Variants in AP2A2 observed in about 807,000 individuals in gnomAD.
AP2A2 encodes the protein adaptor related protein complex 2 subunit alpha 2.
Under a neutral mutation model 104.2 loss-of-function variants are expected in AP2A2, and 32 were observed. That is an observed-to-expected ratio of 0.31 (90% CI 0.23 to 0.41). The LOEUF is 0.41. Ranked by LOEUF, AP2A2 falls within the 10% of genes least tolerant of loss-of-function variation. The pLI, the probability that AP2A2 is intolerant of heterozygous loss-of-function variation, is 1.00. For synonymous variants in AP2A2, 539 were observed against 533.3 expected (o/e 1.01, Z -0.15); for missense variants, 912 against 1,261.0 (o/e 0.72, Z 4.19).
At position 992,375 on chromosome 11, in the gene AP2A2, C is replaced by T. The variant is rs994984361; in HGVS notation, c.1270-128C>T. 1.2e-5 allele frequency: 11 copies of T among 944,626 alleles called. No individual in the cohort carries two copies. Among genetic ancestry groups the T allele is most frequent in the Admixed American group, 1.0e-4 (5 of 48,222 alleles). The allele number at this position is 944,626 out of a possible 1,614,324, so 58.5% of individuals were successfully genotyped here. A position where few individuals can be genotyped will look rare whatever the true frequency, so the allele number is the denominator to read the frequency against. On this transcript the variant is annotated intron_variant, in intron 10 of 21. Transcript: ENST00000448903. This position sits in a 1 kb window ranked among gnomAD's most constrained non-coding sequence, Gnocchi z 6.4. ...TTTGAGAATCGAGTTCAAGCTTCCT[C>T]CATGTCCCAAACTTTTGTAGACACA...
chr11:984,257 G>A (rs1377585295), intron 6 of AP2A2, among the ~76,000 whole-genome samples: 1 of 152,146 alleles, frequency 6.6e-6, no homozygotes, highest in African/African-American at 2.4e-5. Flanking sequence ...TGGTCGGGGG[G>A]CCCTGTGGGG....
intron 15 of AP2A2, chr11:1,001,515 T>C (rs1856029594): frequency 6.6e-6 from 1 of 152,358 alleles, no homozygotes; most frequent in African/African-American, 2.4e-5. Flanking sequence ...CTGGTGTTTT[T>C]CAGTTCTTTG....
At position 993,289 on chromosome 11, in the gene AP2A2, T is replaced by C. The variant is rs754122157; in HGVS notation, c.1458T>C (p.Leu486=). 3 of 1,607,674 alleles carry C rather than the reference T, an allele frequency of 1.9e-6. No homozygotes were observed. The South Asian group carries it at 3.3e-5, about 18-fold the overall frequency. The change falls in exon 12 of 22, where the codon CTT becomes CTC. Residue 486 remains leucine, a synonymous_variant. Coordinates refer to ENST00000448903, the MANE Select transcript of AP2A2 (RefSeq NM_012305.4). This position sits in a 1 kb window ranked among gnomAD's most constrained non-coding sequence, Gnocchi z 8.2. ...TCATTGTTTGTGCTTCGCAGGCTCT[T>C]CAGGCTCCCGCGTGCCACGAGAACC... ...GYAAKTVFEA[L]QAPACHENLV...
intron 16 of AP2A2, among the ~76,000 whole-genome samples, chr11:1,004,582 C>T (rs1171824240): frequency 3.3e-5 from 5 of 151,768 alleles, no homozygotes; most frequent in Admixed American, 6.6e-5. Context: ...TTGAGACCAG[C>T]CTGCACAACA....
At chr11:945,925 T>G (rs1257823761) in intron 1 of AP2A2, among the ~76,000 whole-genome samples, 1 of 151,200 alleles carries the variant, frequency 6.6e-6, no homozygotes, top group Non-Finnish European at 1.5e-5. Flanking sequence ...GGATCTGGAG[T>G]GGAAAGGTAG....
At chr11:967,232 A>G (rs1041766129) in intron 2 of AP2A2, among the ~76,000 whole-genome samples, 1 of 152,196 alleles carries the variant, frequency 6.6e-6, no homozygotes, top group Non-Finnish European at 1.5e-5. Context: ...GTCACATTTT[A>G]TCGTCTGTGA....
intron 1 of AP2A2, among the ~76,000 whole-genome samples, chr11:944,064 G>A (rs1469319196): frequency 3.3e-5 from 5 of 150,932 alleles, no homozygotes; most frequent in African/African-American, 4.9e-5. Context: ...GCGCGAGTAA[G>A]GGAGTCTGAC....
chr11:993,200 A>C lies in AP2A2; in HGVS notation c.1453-84A>C. On this transcript the variant is annotated intron_variant, in intron 11 of 21. Coordinates refer to ENST00000448903, the MANE Select transcript of AP2A2 (RefSeq NM_012305.4). This position sits in a 1 kb window ranked among gnomAD's most constrained non-coding sequence, Gnocchi z 8.2. ...GAAGCTGAGGGGCTGGTGCTGGTGT[A>C]GGGTGCACCGCGCCAGGACGTGCCC... 1 of 1,050,630 alleles carries C rather than the reference A, an allele frequency of 9.5e-7. No homozygotes were observed. The highest frequency in any genetic ancestry group is 1.4e-6 in the Non-Finnish European group (1 of 735,304). 65.1% of individuals were successfully genotyped at this position (1,050,630 alleles called of 1,614,324 possible). A position where few individuals can be genotyped will look rare whatever the true frequency, so the allele number is the denominator to read the frequency against.
chr11:975,019 G>A (rs1052391756), intron 4 of AP2A2, among the ~76,000 whole-genome samples: 4 of 152,170 alleles, frequency 2.6e-5, no homozygotes, highest in Non-Finnish European at 5.9e-5. Flanking sequence ...GGAAGGAGGT[G>A]CTGTCATTGG....
intron 3 of AP2A2, among the ~76,000 whole-genome samples, chr11:971,421 G>T (rs572586889): frequency 6.6e-6 from 1 of 152,176 alleles, no homozygotes; most frequent in Non-Finnish European, 1.5e-5. Flanking sequence ...CCCTCGTGGC[G>T]TCTTCCTGGG....
chr11:954,139 T>C (rs1292220289), intron 1 of AP2A2, among the ~76,000 whole-genome samples: 1 of 152,196 alleles, frequency 6.6e-6, no homozygotes, highest in Non-Finnish European at 1.5e-5. Flanking sequence ...CTACCTTCTC[T>C]TGCACAGACA....
At chr11:1,002,226 C>T (rs1856050609) in intron 15 of AP2A2, among the ~76,000 whole-genome samples, 2 of 152,226 alleles carry the variant, frequency 1.3e-5, no homozygotes, top group African/African-American at 4.8e-5. Flanking sequence ...TGAGTGTAAA[C>T]TCCGTGGCCC....
chr11:958,470 A>G (rs867987746), intron 1 of AP2A2, among the ~76,000 whole-genome samples: 14 of 152,238 alleles, frequency 9.2e-5, no homozygotes, highest in Admixed American at 6.5e-4. Flanking sequence ...TGAAATTGAA[A>G]TGTGTCAGTT....
rs1013356430 is a variant in AP2A2 at position 1,009,128 on chromosome 11, G to A, written c.2449G>A (p.Val817Met). 14 of 1,613,290 alleles carry A rather than the reference G, an allele frequency of 8.7e-6. No homozygotes were observed. The highest frequency in any genetic ancestry group is 6.7e-5 in the East Asian group (3 of 44,876). The change falls in exon 19 of 22, where the codon GTG becomes ATG. Residue 817 changes from valine to methionine, a missense_variant. Physicochemically the swap from Val to Met is conservative, Grantham distance 21 (BLOSUM62 1). This residue lies in a region of AP2A2 where 239 missense variants were observed against 329.8 expected (regional missense o/e 0.72). Transcript: ENST00000448903. ...TGGGGGCACCTTCCAGAACGTGTCT[G>A]TGCAGCTGCCCATCACTCTCAACAA... Reference protein sequence around the residue: ...RYGGTFQNVSVQLPITLNKFF... With the variant: ...RYGGTFQNVSMQLPITLNKFF...
chr11:956,600 C>T (rs985953813), intron 1 of AP2A2, among the ~76,000 whole-genome samples: 37 of 152,146 alleles, frequency 2.4e-4, no homozygotes, highest in African/African-American at 8.2e-4. Context: ...CTCTTTAAGC[C>T]TCAGTTTTCA....
At chr11:927,326 A>G (rs1853152161) in intron 1 of AP2A2, among the ~76,000 whole-genome samples, 4 of 152,024 alleles carry the variant, frequency 2.6e-5, no homozygotes. Flanking sequence ...TGGCCTCCCA[A>G]AGTCCTGGGG....
chr11:941,839 G>T (rs1564783962), intron 1 of AP2A2, among the ~76,000 whole-genome samples: 2 of 151,812 alleles, frequency 1.3e-5, no homozygotes, highest in South Asian at 2.1e-4. Context: ...TGGTGGCCTT[G>T]GCCTCCCAAA....
At chr11:927,910 G>C (rs565648860) in intron 1 of AP2A2, among the ~76,000 whole-genome samples, 1 of 149,896 alleles carries the variant, frequency 6.7e-6, no homozygotes, top group Non-Finnish European at 1.5e-5. Flanking sequence ...TACATAATGA[G>C]ACCAACATGC....
intron 1 of AP2A2, among the ~76,000 whole-genome samples, chr11:928,028 T>C (rs1196053236): frequency 6.6e-6 from 1 of 152,124 alleles, no homozygotes; most frequent in Non-Finnish European, 1.5e-5. Flanking sequence ...TTGAAGAAAA[T>C]TGCGTTAGGC....
Sources: allele counts gnomAD v4.1 joint callset (sites outside exome capture counted in the v4.1 genomes callset), GRCh38; gene constraint gnomAD v4.1.1; regional missense constraint gnomAD v4.1.1; non-coding constraint Gnocchi (gnomAD v3.1); transcripts MANE v1.5; gene names NCBI Gene and HGNC (gene_info 2026-07-23, HGNC 2026-07-21).